Variants in CCDC40 observed in about 807,000 individuals in gnomAD.
CCDC40 encodes the protein coiled-coil domain 40 molecular ruler complex subunit.
Under a neutral mutation model 124.5 loss-of-function variants are expected in CCDC40, and 104 were observed. That is an observed-to-expected ratio of 0.84 (90% CI 0.71 to 0.98). The LOEUF (loss-of-function observed/expected upper bound fraction) is 0.98. Among genes scored for constraint, CCDC40 ranks in the 50% least tolerant of loss-of-function variants. CCDC40 has a pLI of 0.00. For synonymous variants in CCDC40, 580 were observed against 602.9 expected (o/e 0.96, Z 0.56); for missense variants, 1,463 against 1,503.9 (o/e 0.97, Z 0.45).
rs892431045 is a variant in CCDC40, at chr17:80,081,340, G to A, written c.1563-206G>A. On this transcript the variant is annotated intron_variant, in intron 10 of 19. Coordinates refer to ENST00000397545, the MANE Select transcript of CCDC40 (RefSeq NM_017950.4). ...GCGGAGGTTGCAGTGAACCGAGATCGCACCACTGTATTTCAGCCTGGGTTA... is the reference window on the plus strand; with the variant it reads ...GCGGAGGTTGCAGTGAACCGAGATCACACCACTGTATTTCAGCCTGGGTTA... The A allele has an allele frequency of 4.6e-5, 14 of 307,206 alleles. 1 individual carries two copies. Among genetic ancestry groups the A allele is most frequent in the Admixed American group, 1.4e-4 (3 of 22,008 alleles). 19.0% of individuals were successfully genotyped at this position (307,206 alleles called of 1,614,324 possible). A position where few individuals can be genotyped will look rare whatever the true frequency, so the allele number is the denominator to read the frequency against.
Position 80,099,566 on chromosome 17 carries a change from C to T in CCDC40, c.3220C>T (p.His1074Tyr), listed in dbSNP as rs1310678966. Residue 1074 changes from histidine to tyrosine, a missense_variant, in exon 20 of 20, where the codon CAC becomes TAC. Physicochemically the swap from His to Tyr is moderately conservative, Grantham distance 83 (BLOSUM62 2). Transcript: ENST00000397545. ...EIVALQTRLKHLQAVKEGRYV... is the reference protein window; with the variant it reads ...EIVALQTRLKYLQAVKEGRYV... Reference sequence around the variant, plus strand: ...CGTGGCCCTGCAGACACGCCTTAAGCACCTGCAGGCTGTGAAGGAGGGGCG... The same window carrying T: ...CGTGGCCCTGCAGACACGCCTTAAGTACCTGCAGGCTGTGAAGGAGGGGCG... 2 of 1,612,802 alleles carry T rather than the reference C, an allele frequency of 1.2e-6. No homozygotes were observed. Among genetic ancestry groups the T allele is most frequent in the Admixed American group, 3.3e-5 (2 of 60,024 alleles).
chr17:80,061,084 G>A (rs371448936), intron 9 of CCDC40, among the ~76,000 whole-genome samples: 2 of 152,262 alleles, frequency 1.3e-5, no homozygotes, highest in East Asian at 3.9e-4. Context: ...GGTGGCTCAC[G>A]CCTGTAATCC....
At chr17:80,043,717 C>G (rs1179973302) in intron 3 of CCDC40, among the ~76,000 whole-genome samples, 7 of 150,518 alleles carry the variant, frequency 4.7e-5, no homozygotes, top group Non-Finnish European at 1.0e-4. Flanking sequence ...GGGCGTCTTA[C>G]CATGATACCC....
At chr17:80,098,420 C>T (rs2038850241) in intron 19 of CCDC40, among the ~76,000 whole-genome samples, 1 of 152,202 alleles carries the variant, frequency 6.6e-6, no homozygotes, top group Non-Finnish European at 1.5e-5. Context: ...GCGGGGGGCA[C>T]CTGGGGCTAT....
At chr17:80,063,248 C>A (rs2037950738) in intron 9 of CCDC40, among the ~76,000 whole-genome samples, 1 of 152,000 alleles carries the variant, frequency 6.6e-6, no homozygotes, top group South Asian at 2.1e-4. Context: ...TGATTTCGCA[C>A]ACACACACAA....
chr17:80,084,317 T>A (rs1046227818), intron 12 of CCDC40, among the ~76,000 whole-genome samples: 11 of 152,090 alleles, frequency 7.2e-5, no homozygotes, highest in Non-Finnish European at 1.5e-4. Flanking sequence ...AGAGTGTGTG[T>A]GAAGCAGGAA....
chr17:80,088,284 C>G, intron 16 of CCDC40, 182 bp downstream of exon 16: 1 of 658,454 alleles, frequency 1.5e-6, no homozygotes, highest in Non-Finnish European at 2.8e-6. Context: ...GACAGTCTTG[C>G]TCTATCCCAC....
At position 80,095,379 on chromosome 17, in the gene CCDC40, G is replaced by T; in HGVS notation, c.2949G>T (p.Arg983Ser). ...TQAEGQRKMD[R>S]KALTRTDFHH... Reference sequence around the variant, plus strand: ...CCGAGGGGCAGCGCAAGATGGACAGGAAGGCGCTCACCCGCACCGACTTCC... The same window carrying T: ...CCGAGGGGCAGCGCAAGATGGACAGTAAGGCGCTCACCCGCACCGACTTCC... Residue 983 changes from arginine (R) to serine (S), a missense_variant, in exon 18 of 20, where the codon AGG (arginine) becomes AGT (serine). Coordinates refer to ENST00000397545, the MANE Select transcript of CCDC40 (RefSeq NM_017950.4). 1 of 1,614,148 alleles carries T rather than the reference G, an allele frequency of 6.2e-7. No individual in the cohort carries two copies. Among genetic ancestry groups the T allele is most frequent in the Non-Finnish European group, 8.5e-7 (1 of 1,180,058 alleles).
At chr17:80,072,958 C>A (rs1021305570) in intron 10 of CCDC40, among the ~76,000 whole-genome samples, 1 of 151,858 alleles carries the variant, frequency 6.6e-6, no homozygotes, top group African/African-American at 2.4e-5. Context: ...CAGTGTGCCT[C>A]GCTTTCTCCT....
chr17:80,062,403 A>G lies in CCDC40; in HGVS notation c.1441-3082A>G, dbSNP rs1202977599. 2.6e-5 allele frequency among the ~76,000 whole-genome samples: 4 copies of G among 151,564 alleles called. No individual in the cohort carries two copies. In the East Asian group the frequency reaches 7.8e-4, roughly 29 times the overall value. ...TGTGCCATGCTGGTGTGCTGCACCCATTAACTCGTCATTTAGCATTAGGTA... is the reference window on the plus strand; with the variant it reads ...TGTGCCATGCTGGTGTGCTGCACCCGTTAACTCGTCATTTAGCATTAGGTA... On this transcript the variant is annotated intron_variant, in intron 9 of 19. Transcript: ENST00000397545.
At chr17:80,054,196 C>T (rs1316695771) in intron 7 of CCDC40, among the ~76,000 whole-genome samples, 1 of 151,904 alleles carries the variant, frequency 6.6e-6, no homozygotes, top group East Asian at 1.9e-4. Flanking sequence ...ACACTGCTGG[C>T]TTATCTGGCA....
intron 10 of CCDC40, chr17:80,067,359 A>G: frequency 1.7e-6 from 1 of 592,996 alleles, no homozygotes; most frequent in Non-Finnish European, 3.0e-6. Flanking sequence ...AAGCAAAGGC[A>G]CCTGGTTTTC....
intron 9 of CCDC40, among the ~76,000 whole-genome samples, chr17:80,059,289 G>A (rs1448781981): frequency 6.6e-6 from 1 of 152,144 alleles, no homozygotes; most frequent in Non-Finnish European, 1.5e-5. Flanking sequence ...TCCTTAGCCT[G>A]CAGGGACCTC....
intron 17 of CCDC40, chr17:80,090,258 C>G: frequency 2.5e-6 from 2 of 809,710 alleles, no homozygotes; most frequent in Non-Finnish European, 3.6e-6. Context: ...CAACACGGGA[C>G]GCGCGCGGGC....
chr17:80,054,135 A>G (rs1469841268), intron 7 of CCDC40, among the ~76,000 whole-genome samples: 1 of 140,010 alleles, frequency 7.1e-6, no homozygotes, highest in African/African-American at 2.5e-5. Flanking sequence ...TAAAAAATGA[A>G]TTGACTTGAT....
In CCDC40 at chr17:80,086,004, G is replaced by T; in HGVS notation, c.2237G>T (p.Gly746Val). The T allele has an allele frequency of 6.2e-7, 1 of 1,613,976 alleles. No individual in the cohort carries two copies. The highest frequency in any genetic ancestry group is 8.5e-7 in the Non-Finnish European group (1 of 1,179,998). The stretch of plus-strand genomic sequence containing the variant: ...CTTTTTGATGAATATCCGGTCTAGG[G>T]GGAAGAAGTGGGGCCCCTGGAGCTT... Reference protein sequence around the residue: ...QLERMVSELGGEEVGPLELEI... With the variant: ...QLERMVSELGVEEVGPLELEI... Residue 746 changes from glycine (G) to valine (V), a missense_variant and splice_region_variant, in exon 14 of 20, where the codon GGG (glycine) becomes GTG (valine). Transcript: ENST00000397545. This position sits in a 1 kb window ranked among gnomAD's most constrained non-coding sequence, Gnocchi z 5.5.
At chr17:80,047,774 G>C (rs531838087) in intron 4 of CCDC40, among the ~76,000 whole-genome samples, 1 of 152,220 alleles carries the variant, frequency 6.6e-6, no homozygotes, top group Non-Finnish European at 1.5e-5. Context: ...GACGTGCCGT[G>C]ACAGCAACCC....
At chr17:80,051,790 G>A (rs913142123) in intron 7 of CCDC40, among the ~76,000 whole-genome samples, 4 of 152,214 alleles carry the variant, frequency 2.6e-5, no homozygotes, top group African/African-American at 4.8e-5. Context: ...AGGAGGACGC[G>A]TGCCCCTAAC....
At chr17:80,050,497 G>A (rs532501319) in intron 7 of CCDC40, among the ~76,000 whole-genome samples, 1 of 152,346 alleles carries the variant, frequency 6.6e-6, no homozygotes, top group African/African-American at 2.4e-5. Flanking sequence ...AGGCTGGAGT[G>A]CAATGGCGCG....
Sources: gnomAD v4.1 joint callset for allele counts (sites outside exome capture counted in the v4.1 genomes callset) on GRCh38, gnomAD v4.1.1 for gene constraint, Gnocchi (gnomAD v3.1) non-coding constraint, MANE v1.5 for transcripts, NCBI Gene and HGNC (gene_info 2026-07-23, HGNC 2026-07-21) for gene names.